The following GXYLT2 variants were observed in gnomAD, a reference collection of about 807,000 sequenced individuals.
The protein encoded by GXYLT2 is glucoside xylosyltransferase 2.
A neutral mutation model predicts 45.8 loss-of-function variants in GXYLT2; 53 were observed. The ratio of observed to expected loss-of-function variants is 1.16; its 90% CI spans 0.93 to 1.46. GXYLT2 has a LOEUF of 1.46. Ranked by LOEUF, GXYLT2 falls within the 40% of genes most tolerant of loss-of-function variation. The pLI is 0.00. For missense variants in GXYLT2, 551 were observed against 544.4 expected (o/e 1.01, Z -0.12); for synonymous variants, 219 against 214.2 (o/e 1.02, Z -0.19).
intron 3 of GXYLT2, among the ~76,000 whole-genome samples, chr3:72,949,501 T>A (rs1274274493): frequency 2.4e-5 from 3 of 123,796 alleles, no homozygotes; most frequent in Non-Finnish European, 4.9e-5. Context: ...TCTTTCTTTT[T>A]CTTTTTTTTT....
chr3:72,943,825 A>G (rs1018289455), intron 3 of GXYLT2, among the ~76,000 whole-genome samples: 26 of 151,542 alleles, frequency 1.7e-4, no homozygotes, highest in Admixed American at 1.6e-3. Context: ...TAGTGTCTGT[A>G]TTGCTTGCAC....
At chr3:72,928,689 A>G (rs7643262) in intron 3 of GXYLT2, among the ~76,000 whole-genome samples, 2,673 of 152,192 alleles carry the variant, frequency 0.018, 82 homozygotes, top group African/African-American at 0.062. Context: ...TGGAGTCATA[A>G]CAGATATCAC....
At chr3:72,954,064 C>A (rs1003534880) in intron 3 of GXYLT2, among the ~76,000 whole-genome samples, 15 of 152,100 alleles carry the variant, frequency 9.9e-5, no homozygotes, top group African/African-American at 3.4e-4. Context: ...GCACTGCAAC[C>A]CGGACAACAG....
In GXYLT2 at chr3:72,970,672, C is replaced by T. The variant is rs1181534457; in HGVS notation, c.1149+2953C>T. Among the ~76,000 whole-genome samples, 3 of 151,970 alleles carry T rather than the reference C, an allele frequency of 2.0e-5. No individual in the cohort carries two copies. In the East Asian group the frequency reaches 5.8e-4, roughly 29 times the overall value. On this transcript the variant is annotated intron_variant, in intron 6 of 6. Coordinates refer to ENST00000389617, the MANE Select transcript of GXYLT2 (RefSeq NM_001080393.2). ...GTCGGGAGTTCGAGACCAGCCTGAC[C>T]AACATGGAGAAATCCCCCCGTCTCT... is the stretch of plus-strand genomic sequence containing the variant.
Position 72,942,326 on chromosome 3 carries a change from C to T in GXYLT2, c.601-12772C>T, listed in dbSNP as rs114694406. On this transcript the variant is annotated intron_variant, in intron 3 of 6. Transcript: ENST00000389617. ...TAAATGGAGAAAAATCACACCTCTT[C>T]CTTATAGAAAATTCCAGTTAATACA... Among the ~76,000 whole-genome samples, 993 of 152,120 alleles carry T rather than the reference C, an allele frequency of 6.5e-3. 5 individuals carry two copies. The highest frequency in any genetic ancestry group is 0.024 in the Middle Eastern group (7 of 294).
chr3:72,931,908 G>C (rs1710044514), intron 3 of GXYLT2, among the ~76,000 whole-genome samples: 1 of 151,956 alleles, frequency 6.6e-6, no homozygotes, highest in African/African-American at 2.4e-5. Context: ...AGAAAACAAG[G>C]GAAGACTCAA....
At chr3:72,892,936 A>T (rs1207315887) in intron 1 of GXYLT2, among the ~76,000 whole-genome samples, 1 of 152,124 alleles carries the variant, frequency 6.6e-6, no homozygotes, top group East Asian at 1.9e-4. Flanking sequence ...TCTCAAAAAT[A>T]TGTCCCCAGT....
chr3:72,901,757 C>A (rs1709414456), intron 1 of GXYLT2, among the ~76,000 whole-genome samples: 1 of 151,596 alleles, frequency 6.6e-6, no homozygotes. Context: ...GATGGGGTTT[C>A]TCCATGTTGG....
At chr3:72,923,241 G>A (rs2107102823) in intron 3 of GXYLT2, among the ~76,000 whole-genome samples, 1 of 151,808 alleles carries the variant, frequency 6.6e-6, no homozygotes, top group East Asian at 1.9e-4. Context: ...GGCAACAAGA[G>A]CTAAACTACA....
At chr3:72,911,095 C>T (rs1709610168) in intron 2 of GXYLT2, among the ~76,000 whole-genome samples, 1 of 152,042 alleles carries the variant, frequency 6.6e-6, no homozygotes, top group South Asian at 2.1e-4. Flanking sequence ...AGTTCGAGAC[C>T]AGCCTGGTCA....
intron 2 of GXYLT2, among the ~76,000 whole-genome samples, chr3:72,919,055 C>T (rs901264258): frequency 6.6e-6 from 1 of 152,198 alleles, no homozygotes; most frequent in Non-Finnish European, 1.5e-5. Context: ...CATGCAGCCA[C>T]TTTGGAAGAC....
chr3:72,908,641 T>C, intron 2 of GXYLT2, 82 bp downstream of exon 2: 3 of 1,118,516 alleles, frequency 2.7e-6, no homozygotes, highest in Admixed American at 2.4e-5. Flanking sequence ...TGTTAACTAA[T>C]GTATTTTGCT....
intron 3 of GXYLT2, 42 bp from the exon 4 acceptor site, chr3:72,955,056 C>A: frequency 6.3e-7 from 1 of 1,591,836 alleles, no homozygotes; most frequent in Non-Finnish European, 8.6e-7. Flanking sequence ...GTTTTGTTTT[C>A]TTCCCTCCTC....
intron 2 of GXYLT2, among the ~76,000 whole-genome samples, chr3:72,908,817 A>G (rs1433976563): frequency 2.0e-5 from 3 of 152,158 alleles, no homozygotes; most frequent in Non-Finnish European, 4.4e-5. Flanking sequence ...GGCTCACTGC[A>G]GCCTCAACCT....
intron 1 of GXYLT2, among the ~76,000 whole-genome samples, chr3:72,893,417 G>A (rs1341804789): frequency 1.3e-5 from 2 of 152,184 alleles, no homozygotes; most frequent in Non-Finnish European, 2.9e-5. Flanking sequence ...TTTCTCCTGA[G>A]AGGGGTCCTG....
intron 5 of GXYLT2, among the ~76,000 whole-genome samples, chr3:72,965,821 CT>C (rs1415062305): frequency 2.6e-5 from 4 of 152,170 alleles, no homozygotes; most frequent in Non-Finnish European, 5.9e-5. Flanking sequence ...AAAATTGCCC[CT>C]GGTTGAGAAC....
rs191986570 is a variant in GXYLT2 at position 72,971,281 on chromosome 3, G to T, written c.1149+3562G>T. Among the ~76,000 whole-genome samples the T allele has an allele frequency of 5.9e-5, 9 of 152,294 alleles. No homozygotes were observed. In the East Asian group the frequency reaches 1.7e-3, roughly 29 times the overall value. On this transcript the variant is annotated intron_variant, in intron 6 of 6. Transcript: ENST00000389617. ...TTAGTACACTCCATGATTTTCCTCA[G>T]TTGGGCCTGAAAATATAGTTTTCAT...
Position 72,908,528 on chromosome 3 carries a change from A to G in GXYLT2, c.437A>G (p.Glu146Gly), listed in dbSNP as rs1432954222. The change falls in exon 2 of 7, where the codon GAA (glutamate) becomes GGA (glycine). Residue 146 changes from glutamate to glycine, a missense_variant. By Grantham distance (98) the Glu-to-Gly change is moderately conservative. Coordinates refer to ENST00000389617, the MANE Select transcript of GXYLT2 (RefSeq NM_001080393.2). Reference protein sequence around the residue: ...HRKIQFHIFTEDSLKPEFDKQ... With the variant: ...HRKIQFHIFTGDSLKPEFDKQ... ...AAGATCCAATTCCACATCTTCACTG[A>G]AGACTCTCTGAAGCCCGAGTTTGAT... The G allele has an allele frequency of 1.2e-6, 2 of 1,613,148 alleles. No homozygotes were observed. Among genetic ancestry groups the G allele is most frequent in the Non-Finnish European group, 1.7e-6 (2 of 1,179,668 alleles).
intron 6 of GXYLT2, among the ~76,000 whole-genome samples, chr3:72,972,505 G>C (rs1001066141): frequency 1.3e-5 from 2 of 151,936 alleles, no homozygotes; most frequent in Admixed American, 1.3e-4. Context: ...GCCGGGCGTG[G>C]TGGCAGGCAC....
Sources: gnomAD v4.1 joint callset for allele counts (sites outside exome capture counted in the v4.1 genomes callset) on GRCh38, gnomAD v4.1.1 for gene constraint, MANE v1.5 for transcripts, NCBI Gene and HGNC (gene_info 2026-07-23, HGNC 2026-07-21) for gene names.